B4GALT5: variants seen among roughly 807,000 people sequenced by gnomAD.
B4GALT5 encodes beta-1,4-galactosyltransferase 5.
B4GALT5 carries 11 observed loss-of-function variants against 45.0 expected under a neutral mutation model. The ratio of observed to expected loss-of-function variants is 0.24; its 90% CI spans 0.15 to 0.40. The LOEUF is 0.40. Ranked by LOEUF, B4GALT5 falls within the 10% of genes least tolerant of loss-of-function variation. The pLI is 1.00. For missense variants in B4GALT5, 337 were observed against 500.2 expected, an observed-to-expected ratio of 0.67 and a Z score of 3.11; for synonymous variants, 185 against 182.9, an observed-to-expected ratio of 1.01 and a Z score of -0.09.
chr20:49,702,555 C>T (rs560944447), intron 1 of B4GALT5, among the ~76,000 whole-genome samples: 10 of 152,068 alleles, frequency 6.6e-5, no homozygotes, highest in Admixed American at 5.2e-4. Flanking sequence ...ATTCAGAATC[C>T]GTAAAGAACT....
intron 1 of B4GALT5, among the ~76,000 whole-genome samples, chr20:49,660,409 A>G (rs2085660484): frequency 6.6e-6 from 1 of 152,230 alleles, no homozygotes; most frequent in African/African-American, 2.4e-5. Context: ...CCAGAACATC[A>G]AGTGAGTCTC....
intron 1 of B4GALT5, among the ~76,000 whole-genome samples, chr20:49,664,187 G>T (rs574859612): frequency 6.6e-6 from 1 of 152,078 alleles, no homozygotes; most frequent in Admixed American, 6.5e-5. Context: ...TAATATTCTT[G>T]CTAATCTACT....
intron 1 of B4GALT5, among the ~76,000 whole-genome samples, chr20:49,672,297 C>T (rs1020381991): frequency 6.6e-6 from 1 of 152,072 alleles, no homozygotes; most frequent in Admixed American, 6.5e-5. Context: ...GTATTAACAC[C>T]CAAACTGTCA....
At chr20:49,660,177 A>G (rs1432261741) in intron 1 of B4GALT5, among the ~76,000 whole-genome samples, 1 of 152,172 alleles carries the variant, frequency 6.6e-6, no homozygotes, top group Non-Finnish European at 1.5e-5. Context: ...ATACTGGCCC[A>G]GTTGTCTACA....
At chr20:49,698,309 CA>C (rs748250317) in intron 1 of B4GALT5, among the ~76,000 whole-genome samples, 1 of 151,596 alleles carries the variant, frequency 6.6e-6, no homozygotes. Context: ...GGGGACAGAG[CA>C]AAACTCCATC....
At chr20:49,653,895 C>G (rs1034039393) in intron 2 of B4GALT5, among the ~76,000 whole-genome samples, 2 of 152,160 alleles carry the variant, frequency 1.3e-5, no homozygotes, top group Non-Finnish European at 2.9e-5. Flanking sequence ...TGAAACTCAC[C>G]TCTGTACTCA....
rs200086193 is a variant in B4GALT5, at chr20:49,640,626, C to T, written c.646G>A (p.Val216Ile). 4 of 1,613,134 alleles carry T rather than the reference C, an allele frequency of 2.5e-6. No homozygotes were observed. Among genetic ancestry groups the T allele is most frequent in the South Asian group, 2.2e-5 (2 of 90,756 alleles). Residue 216 changes from valine to isoleucine, a missense_variant, in exon 6 of 9, where the codon GTT becomes ATT. By Grantham distance (29) the Val-to-Ile change is conservative. Transcript: ENST00000371711. Reference protein sequence around the residue: ...QPFNRAMLFNVGFQEAMKDLD... With the variant: ...QPFNRAMLFNIGFQEAMKDLD... ...TCTTTCATTGCCTCTTGAAAGCCAA[C>T]GTTGAAAAGCATGGCTCGATTAAAG... is the stretch of plus-strand genomic sequence containing the variant.
At chr20:49,683,601 C>T (rs2085773185) in intron 1 of B4GALT5, among the ~76,000 whole-genome samples, 1 of 151,742 alleles carries the variant, frequency 6.6e-6, no homozygotes, top group South Asian at 2.1e-4. Context: ...CCATGTTGGC[C>T]AGCGTGGTCT....
chr20:49,692,148 C>A (rs1268270306), intron 1 of B4GALT5, among the ~76,000 whole-genome samples: 2 of 151,942 alleles, frequency 1.3e-5, no homozygotes, highest in East Asian at 3.8e-4. Context: ...AGTATTCTCA[C>A]CTACTGTTTT....
Position 49,710,832 on chromosome 20 carries a change from T to C in B4GALT5, c.115+2744A>G, listed in dbSNP as rs1182779574. Among the ~76,000 whole-genome samples the C allele has an allele frequency of 2.6e-5, 4 of 152,032 alleles. No homozygotes were observed. The East Asian group carries it at 7.7e-4, about 29-fold the overall frequency. On this transcript the variant is annotated intron_variant, in intron 1 of 8. Coordinates refer to ENST00000371711, the MANE Select transcript of B4GALT5 (RefSeq NM_004776.4). ...CAGATTGCCTTAACCTTGAAAAAAT[T>C]TGCCGCCCCACTGTCCAAAGCTAGA...
chr20:49,701,341 G>GA (rs1020472668), intron 1 of B4GALT5, among the ~76,000 whole-genome samples: 66 of 151,046 alleles, frequency 4.4e-4, no homozygotes, highest in African/African-American at 1.3e-3. Flanking sequence ...GCTGATATCA[G>GA]AAAAAAAAAT....
At chr20:49,694,714 G>A (rs1472840868) in intron 1 of B4GALT5, among the ~76,000 whole-genome samples, 1 of 151,328 alleles carries the variant, frequency 6.6e-6, no homozygotes, top group African/African-American at 2.4e-5. Context: ...AGGCAAGTTT[G>A]CTCTAACACA....
intron 1 of B4GALT5, among the ~76,000 whole-genome samples, chr20:49,709,118 A>G (rs752350797): frequency 2.6e-5 from 4 of 152,110 alleles, no homozygotes; most frequent in Non-Finnish European, 5.9e-5. Flanking sequence ...ATATTTATAA[A>G]TAGCTCGCTT....
At chr20:49,670,662 A>G (rs1231782347) in intron 1 of B4GALT5, among the ~76,000 whole-genome samples, 3 of 152,206 alleles carry the variant, frequency 2.0e-5, no homozygotes, top group Admixed American at 2.0e-4. Flanking sequence ...CTTTGCAAAC[A>G]TGTAACGTAA....
chr20:49,706,184 C>T (rs1005497446), intron 1 of B4GALT5, among the ~76,000 whole-genome samples: 13 of 133,328 alleles, frequency 9.8e-5, no homozygotes, highest in Non-Finnish European at 1.4e-4. Context: ...AACAAGAGAG[C>T]GAAACTCCAT....
At chr20:49,652,625 C>T (rs1295396989) in intron 2 of B4GALT5, among the ~76,000 whole-genome samples, 1 of 151,936 alleles carries the variant, frequency 6.6e-6, no homozygotes, top group African/African-American at 2.4e-5. Flanking sequence ...CACAATCTCA[C>T]AAACCAATGG....
At chr20:49,640,400 G>T in intron 6 of B4GALT5, 78 bp downstream of exon 6, 1 of 1,328,834 alleles carries the variant, frequency 7.5e-7, no homozygotes, top group Non-Finnish European at 1.0e-6. Flanking sequence ...CTAGGTTGCA[G>T]CTAATTAGAT....
chr20:49,707,743 T>C (rs1465502937), intron 1 of B4GALT5, among the ~76,000 whole-genome samples: 2 of 152,048 alleles, frequency 1.3e-5, no homozygotes, highest in Non-Finnish European at 2.9e-5. Context: ...GCCTCCCGAG[T>C]AGCTGGGATT....
At position 49,668,749 on chromosome 20, in the gene B4GALT5, C is replaced by T. The variant is rs978173184; in HGVS notation, c.116-12047G>A. 5.9e-5 allele frequency among the ~76,000 whole-genome samples: 9 copies of T among 152,036 alleles called. No homozygotes were observed. In the East Asian group the frequency reaches 1.3e-3, roughly 23 times the overall value. Reference sequence around the variant, plus strand: ...GCACCCCCTCGTCCTAATCTCTGTCCGTCACCGCCCCCACTCCACCGACCA... The same window carrying T: ...GCACCCCCTCGTCCTAATCTCTGTCTGTCACCGCCCCCACTCCACCGACCA... On this transcript the variant is annotated intron_variant, in intron 1 of 8. Coordinates refer to ENST00000371711, the MANE Select transcript of B4GALT5 (RefSeq NM_004776.4).
Sources: gnomAD v4.1 joint callset for allele counts (sites outside exome capture counted in the v4.1 genomes callset) on GRCh38, gnomAD v4.1.1 for gene constraint, MANE v1.5 for transcripts, NCBI Gene and HGNC (gene_info 2026-07-23, HGNC 2026-07-21) for gene names.